The following SPIDR variants were observed in gnomAD, a reference collection of about 807,000 sequenced individuals.
SPIDR encodes DNA repair-scaffolding protein.
In SPIDR, 93 loss-of-function variants were observed where a neutral mutation model predicts 104.6. That is an observed-to-expected ratio of 0.89 (90% confidence interval 0.75 to 1.06). The LOEUF (loss-of-function observed/expected upper bound fraction) is 1.06. Ranked by LOEUF, SPIDR falls within the 50% of genes least tolerant of loss-of-function variation. SPIDR has a pLI of 0.00. For missense variants in SPIDR, 1,154 were observed against 1,111.2 expected, an observed-to-expected ratio of 1.04 and a Z score of -0.55; for synonymous variants, 431 against 416.9, an observed-to-expected ratio of 1.03 and a Z score of -0.41.
chr8:47,367,253 A>G (rs1286577206), intron 5 of SPIDR, among the ~76,000 whole-genome samples: 1 of 152,218 alleles, frequency 6.6e-6, no homozygotes, highest in African/African-American at 2.4e-5. Context: ...AGCAAACCCC[A>G]GTTGATAGCC....
chr8:47,530,708 C>T (rs1057508518), intron 8 of SPIDR, among the ~76,000 whole-genome samples: 1 of 151,764 alleles, frequency 6.6e-6, no homozygotes, highest in Non-Finnish European at 1.5e-5. Flanking sequence ...ACCTAGGCTA[C>T]ACTAAATTTA....
chr8:47,622,234 G>A (rs2065261896), intron 10 of SPIDR, among the ~76,000 whole-genome samples: 1 of 152,148 alleles, frequency 6.6e-6, no homozygotes, highest in African/African-American at 2.4e-5. Flanking sequence ...GATTTGAGGA[G>A]TAAGGAAAAC....
At chr8:47,382,843 C>T (rs1387637652) in intron 5 of SPIDR, among the ~76,000 whole-genome samples, 1 of 152,212 alleles carries the variant, frequency 6.6e-6, no homozygotes, top group African/African-American at 2.4e-5. Flanking sequence ...TCCTTTTATG[C>T]ACCACTTCCC....
chr8:47,515,554 A>G (rs1292136146), intron 8 of SPIDR, among the ~76,000 whole-genome samples: 2 of 152,148 alleles, frequency 1.3e-5, no homozygotes, highest in African/African-American at 4.8e-5. Context: ...AGGCTAATCT[A>G]CAAATCTTAG....
chr8:47,423,296 CAAAA>C (rs34511552), intron 7 of SPIDR, among the ~76,000 whole-genome samples: 3 of 129,118 alleles, frequency 2.3e-5, no homozygotes, highest in Non-Finnish European at 1.6e-5. Context: ...GACTCTGTCT[CAAAA>C]AAAAAAAAAA....
At chr8:47,510,510 T>G (rs1455468329) in intron 8 of SPIDR, among the ~76,000 whole-genome samples, 2 of 152,144 alleles carry the variant, frequency 1.3e-5, no homozygotes, top group Non-Finnish European at 2.9e-5. Context: ...TCCCAAAAAT[T>G]ATTTTACAGT....
intron 8 of SPIDR, among the ~76,000 whole-genome samples, chr8:47,552,948 C>T (rs980524278): frequency 6.6e-6 from 1 of 152,176 alleles, no homozygotes; most frequent in Non-Finnish European, 1.5e-5. Flanking sequence ...TCTTGCATGG[C>T]AGGCCTGGTG....
chr8:47,550,916 A>C (rs967118773), intron 8 of SPIDR, among the ~76,000 whole-genome samples: 2 of 152,208 alleles, frequency 1.3e-5, no homozygotes, highest in Non-Finnish European at 2.9e-5. Flanking sequence ...TGTCATAAAT[A>C]GCTCTTATTA....
chr8:47,658,704 G>A (rs2073436776), intron 10 of SPIDR, among the ~76,000 whole-genome samples: 1 of 151,968 alleles, frequency 6.6e-6, no homozygotes, highest in African/African-American at 2.4e-5. Context: ...GGAGGTCGAG[G>A]CCAGTGGATC....
intron 5 of SPIDR, among the ~76,000 whole-genome samples, chr8:47,353,052 CAAAAAAAAA>C (rs57853552): frequency 7.9e-5 from 6 of 75,562 alleles, no homozygotes; most frequent in Non-Finnish European, 1.4e-4. Context: ...GACTCTATCT[CAAAAAAAAA>C]AAAAAAAAAA....
chr8:47,671,107 A>C (rs2075730501), intron 10 of SPIDR, among the ~76,000 whole-genome samples: 1 of 152,052 alleles, frequency 6.6e-6, no homozygotes, highest in Non-Finnish European at 1.5e-5. Flanking sequence ...ACAGGGTCTC[A>C]CTTTGTTGCC....
chr8:47,355,203 A>C (rs1356883371), intron 5 of SPIDR, among the ~76,000 whole-genome samples: 1 of 141,734 alleles, frequency 7.1e-6, no homozygotes, highest in African/African-American at 2.7e-5. Context: ...TGGTCCACCC[A>C]CCTTGGCCTC....
chr8:47,344,033 T>C, intron 5 of SPIDR, among the ~76,000 whole-genome samples: 1 of 151,914 alleles, frequency 6.6e-6, no homozygotes, highest in Non-Finnish European at 1.5e-5. Context: ...GTTTGTTACA[T>C]GTGTATACAT....
At position 47,599,170 on chromosome 8, in the gene SPIDR, A is replaced by G. The variant is rs1351118100; in HGVS notation, c.1518A>G (p.Ser506=). The G allele has an allele frequency of 5.6e-6, 9 of 1,613,604 alleles. No homozygotes were observed. Among genetic ancestry groups the G allele is most frequent in the Non-Finnish European group, 6.8e-6 (8 of 1,179,890 alleles). The change falls in exon 10 of 20, where the codon TCA becomes TCG. Residue 506 remains serine, a synonymous_variant. Coordinates refer to ENST00000297423, the MANE Select transcript of SPIDR (RefSeq NM_001080394.4). ...CCAGGGGTCAGCAGGGGGCCAGCTC[A>G]GGACACACAGACCCAGCTGGAACTC... The part of the protein sequence containing the change: ...DSTRGQQGAS[S]GHTDPAGTRA...
At chr8:47,446,606 A>G (rs2070679234) in intron 8 of SPIDR, among the ~76,000 whole-genome samples, 1 of 146,252 alleles carries the variant, frequency 6.8e-6, no homozygotes, top group African/African-American at 2.5e-5. Flanking sequence ...TTTTTAAATG[A>G]GATGGAGTCT....
chr8:47,624,224 C>T (rs1219943683), intron 10 of SPIDR, among the ~76,000 whole-genome samples: 4 of 152,172 alleles, frequency 2.6e-5, no homozygotes, highest in Non-Finnish European at 5.9e-5. Context: ...ATCTCTGGGA[C>T]ACATTCAAAG....
intron 5 of SPIDR, among the ~76,000 whole-genome samples, chr8:47,371,456 T>C (rs547468576): frequency 6.6e-6 from 1 of 152,244 alleles, no homozygotes; most frequent in Admixed American, 6.5e-5. Context: ...AAGTCAGAGC[T>C]CAGGGTGCCA....
At chr8:47,412,974 T>C (rs1404781754) in intron 7 of SPIDR, among the ~76,000 whole-genome samples, 3 of 152,240 alleles carry the variant, frequency 2.0e-5, no homozygotes, top group Non-Finnish European at 4.4e-5. Flanking sequence ...TCCTCCTTCT[T>C]TTGACTCCCT....
intron 5 of SPIDR, among the ~76,000 whole-genome samples, chr8:47,308,470 T>G (rs1244650284): frequency 6.6e-6 from 1 of 151,976 alleles, no homozygotes; most frequent in Non-Finnish European, 1.5e-5. Flanking sequence ...TAAGATTCTC[T>G]GAGTCTTTTC....
Sources: gnomAD v4.1 joint callset for allele counts (sites outside exome capture counted in the v4.1 genomes callset) on GRCh38, gnomAD v4.1.1 for gene constraint, MANE v1.5 for transcripts, NCBI Gene and HGNC (gene_info 2026-07-23, HGNC 2026-07-21) for gene names.